PRKAR1A: variants seen among roughly 807,000 people sequenced by gnomAD.
PRKAR1A encodes the protein cAMP-dependent protein kinase type I-alpha regulatory subunit.
Under a neutral mutation model 52.0 loss-of-function variants are expected in PRKAR1A, and 3 were observed. That is an observed-to-expected ratio of 0.06 (90% CI 0.03 to 0.15). The LOEUF is 0.15. Ranked by LOEUF, PRKAR1A falls within the 10% of genes least tolerant of loss-of-function variation. PRKAR1A has a pLI of 1.00. For synonymous variants in PRKAR1A, 188 were observed against 168.4 expected (o/e 1.12, Z -0.90); for missense variants, 240 against 477.4 (o/e 0.50, Z 4.63).
the PRKAR1A span, among the ~76,000 whole-genome samples, chr17:68,434,909 T>C: frequency 6.6e-6 from 1 of 152,148 alleles, no homozygotes; most frequent in East Asian, 1.9e-4. Context: ...TTTCTTAGAA[T>C]TTCAATTTGA....
chr17:68,452,873 C>T, the PRKAR1A span: 1 of 1,590,338 alleles, frequency 6.3e-7, no homozygotes, highest in Non-Finnish European at 8.6e-7. Flanking sequence ...CTCTGGTTCT[C>T]CTGCAGATCC....
chr17:68,428,766 C>T, the PRKAR1A span: 16 of 1,321,054 alleles, frequency 1.2e-5, no homozygotes, highest in East Asian at 2.3e-5. Flanking sequence ...TCGTTCTTGG[C>T]GAAGGGACAA....
the PRKAR1A span, among the ~76,000 whole-genome samples, chr17:68,462,282 G>A: frequency 2.0e-5 from 3 of 152,106 alleles, no homozygotes; most frequent in Admixed American, 6.5e-5. Context: ...TGATGATCAC[G>A]AAGACAGTTG....
At chr17:68,522,975 G>T (rs767197099) in intron 3 of PRKAR1A, 49 bp downstream of exon 3, 1 of 1,603,196 alleles carries the variant, frequency 6.2e-7, no homozygotes, top group Non-Finnish European at 8.5e-7. Context: ...GACCCACTTG[G>T]TGGTCATCTA....
At chr17:68,495,908 T>C in the PRKAR1A span, among the ~76,000 whole-genome samples, 1 of 146,138 alleles carries the variant, frequency 6.8e-6, no homozygotes, top group African/African-American at 2.6e-5. Flanking sequence ...GCCACATTTC[T>C]TGGCTCCTGG....
the PRKAR1A span, among the ~76,000 whole-genome samples, chr17:68,430,670 G>A: frequency 6.6e-6 from 1 of 152,204 alleles, no homozygotes; most frequent in Non-Finnish European, 1.5e-5. Flanking sequence ...TACCCAGCAT[G>A]TGTAATGATG....
chr17:68,430,316 T>TATTATTCTGGCAATAACTAAA, the PRKAR1A span, among the ~76,000 whole-genome samples: 12 of 152,152 alleles, frequency 7.9e-5, no homozygotes, highest in Non-Finnish European at 1.5e-4. Context: ...ATCCAGGACG[T>TATTATTCTGGCAATAACTAAA]ATTATTCTGG....
At chr17:68,433,375 T>C in the PRKAR1A span, 1 of 1,176,126 alleles carries the variant, frequency 8.5e-7, no homozygotes, top group Non-Finnish European at 1.3e-6. Flanking sequence ...AGATTGGGTG[T>C]TCAGAAAGAA....
At chr17:68,483,116 T>C in the PRKAR1A span, among the ~76,000 whole-genome samples, 1 of 136,508 alleles carries the variant, frequency 7.3e-6, no homozygotes, top group Non-Finnish European at 1.6e-5. Context: ...CATGATCTAG[T>C]TTGAGTTTTT....
chr17:68,455,457 C>A, the PRKAR1A span, among the ~76,000 whole-genome samples: 1 of 151,956 alleles, frequency 6.6e-6, no homozygotes, highest in African/African-American at 2.4e-5. Flanking sequence ...CTGTTTTCAC[C>A]TACCTTCTTT....
intron 11 of PRKAR1A, among the ~76,000 whole-genome samples, chr17:68,543,458 G>A (rs899409490): frequency 6.6e-6 from 1 of 152,114 alleles, no homozygotes; most frequent in African/African-American, 2.4e-5. Flanking sequence ...TTCAATCTGG[G>A]GGGTTGCATG....
At chr17:68,494,120 A>C in the PRKAR1A span, among the ~76,000 whole-genome samples, 1 of 152,380 alleles carries the variant, frequency 6.6e-6, no homozygotes, top group South Asian at 2.1e-4. Context: ...AATGCCATTT[A>C]CTGGCTCCCT....
In PRKAR1A at chr17:68,531,659, GC is replaced by G; in HGVS notation, c.*1211del. ...TCAAATTGGTCTGAAAGGCTATCCT[GC>G]TGAAAGTCCTGCTTTCCTATCTAGC... On this transcript the variant is annotated 3_prime_UTR_variant, in exon 11 of 11. Transcript: ENST00000589228. The G allele has an allele frequency of 1.9e-6, 2 of 1,066,172 alleles. No homozygotes were observed. The highest frequency in any genetic ancestry group is 1.1e-6 in the Non-Finnish European group (1 of 879,506). 66.0% of individuals were successfully genotyped at this position (1,066,172 alleles called of 1,614,324 possible). A position where few individuals can be genotyped will look rare whatever the true frequency, so the allele number is the denominator to read the frequency against.
intron 1 of PRKAR1A, among the ~76,000 whole-genome samples, chr17:68,514,115 G>A (rs934405016): frequency 1.3e-5 from 2 of 152,142 alleles, no homozygotes; most frequent in Admixed American, 1.3e-4. Context: ...TTTTTCCATG[G>A]CTTCTAATTT....
the PRKAR1A span, chr17:68,434,508 C>A: frequency 1.9e-6 from 3 of 1,601,842 alleles, no homozygotes; most frequent in South Asian, 1.1e-5. Flanking sequence ...GCGGTCCCTG[C>A]GGGACTTCTG....
the PRKAR1A span, among the ~76,000 whole-genome samples, chr17:68,431,943 G>A: frequency 1.3e-5 from 2 of 152,154 alleles, no homozygotes; most frequent in South Asian, 2.1e-4. Context: ...GGGGTTGAAC[G>A]GCATCTTAAC....
the PRKAR1A span, among the ~76,000 whole-genome samples, chr17:68,492,429 G>T: frequency 6.6e-6 from 1 of 152,104 alleles, no homozygotes; most frequent in African/African-American, 2.4e-5. Flanking sequence ...CCGTCAGGGT[G>T]AGCAGAAAAT....
At chr17:68,432,799 T>C in the PRKAR1A span, among the ~76,000 whole-genome samples, 52,409 of 151,984 alleles carry the variant, frequency 0.34, 9,412 homozygotes, top group Admixed American at 0.51. Flanking sequence ...TTCTCTAGAA[T>C]CCTTGCCCCC....
downstream of PRKAR1A, among the ~76,000 whole-genome samples, chr17:68,534,560 CTT>C (rs34994040): frequency 0.043 from 4,824 of 111,080 alleles, 253 homozygotes; most frequent in African/African-American, 0.14. Flanking sequence ...TTTTTAGTGC[CTT>C]TTTTTTTTTT....
Sources: allele counts gnomAD v4.1 joint callset (sites outside exome capture counted in the v4.1 genomes callset), GRCh38; gene constraint gnomAD v4.1.1; transcripts MANE v1.5; gene names NCBI Gene and HGNC (gene_info 2026-07-23, HGNC 2026-07-21).